Variants in GRIA2 observed in about 807,000 individuals in gnomAD.
The protein encoded by GRIA2 is glutamate ionotropic receptor AMPA type subunit 2, also known as glutamate receptor 2.
In GRIA2, 14 loss-of-function variants were observed where a neutral mutation model predicts 97.3. The observed-to-expected ratio is 0.14, with a 90% CI of 0.10 to 0.23. GRIA2 has a LOEUF of 0.23. Ranked by LOEUF, GRIA2 falls within the 10% of genes least tolerant of loss-of-function variation. The probability of loss-of-function intolerance (pLI) is 1.00; values close to 1 mark genes in which losing one functional copy is unlikely to be tolerated. For missense variants in GRIA2, 558 were observed against 1,069.8 expected (o/e 0.52, Z 6.67); for synonymous variants, 412 against 387.8 (o/e 1.06, Z -0.73).
intron 6 of GRIA2, among the ~76,000 whole-genome samples, chr4:157,322,197 A>AAG (rs942787997): frequency 2.0e-5 from 3 of 149,160 alleles, no homozygotes; most frequent in South Asian, 2.1e-4. Context: ...TATGGCCACA[A>AAG]AGAGAGAGAG....
chr4:157,294,736 A>G (rs1489600901), intron 2 of GRIA2, among the ~76,000 whole-genome samples: 12 of 152,126 alleles, frequency 7.9e-5, no homozygotes. Flanking sequence ...GAGACATTTG[A>G]AAGCTGAGAC....
At chr4:157,314,756 C>A (rs1734236073) in intron 4 of GRIA2, among the ~76,000 whole-genome samples, 1 of 152,132 alleles carries the variant, frequency 6.6e-6, no homozygotes, top group African/African-American at 2.4e-5. Flanking sequence ...ATATGGACAT[C>A]TATTCAAAAT....
At chr4:157,304,895 C>G (rs981416235) in intron 3 of GRIA2, among the ~76,000 whole-genome samples, 1 of 152,064 alleles carries the variant, frequency 6.6e-6, no homozygotes, top group African/African-American at 2.4e-5. Flanking sequence ...ATTCTCTGCC[C>G]TGTCCTCCTA....
At chr4:157,251,055 C>T (rs1247284886) in intron 2 of GRIA2, among the ~76,000 whole-genome samples, 1 of 151,992 alleles carries the variant, frequency 6.6e-6, no homozygotes, top group Non-Finnish European at 1.5e-5. Flanking sequence ...ATTTAATTAC[C>T]TAAATTGCTT....
In GRIA2 at chr4:157,365,924, C is replaced by T. The variant is rs1385281271; in HGVS notation, c.*2493C>T. 2 of 151,652 alleles carry T rather than the reference C, an allele frequency of 1.3e-5. No individual in the cohort carries two copies. The highest frequency in any genetic ancestry group is 4.8e-5 in the African/African-American group (2 of 41,348). 9.4% of individuals were successfully genotyped at this position (151,652 alleles called of 1,614,324 possible). A position where few individuals can be genotyped will look rare whatever the true frequency, so the allele number is the denominator to read the frequency against. ...CCAAGAAGACATACACTTTCTATAA[C>T]TTCTATTGAAGATATTGGAATTTCC... On this transcript the variant is annotated 3_prime_UTR_variant, in exon 16 of 16. Transcript: ENST00000264426.
At chr4:157,303,896 A>G in intron 3 of GRIA2, 105 bp downstream of exon 3, 2 of 1,180,210 alleles carry the variant, frequency 1.7e-6, no homozygotes, top group Non-Finnish European at 2.4e-6. Flanking sequence ...AAGCCCAAGG[A>G]TCCCTTGGTT....
At chr4:157,359,351 A>G (rs192491467) in intron 12 of GRIA2, among the ~76,000 whole-genome samples, 8 of 152,324 alleles carry the variant, frequency 5.3e-5, no homozygotes, top group Admixed American at 5.2e-4. Context: ...TGGCCAAAGA[A>G]TATTCTTTTA....
At chr4:157,312,322 G>A (rs924579035) in intron 3 of GRIA2, among the ~76,000 whole-genome samples, 1 of 151,996 alleles carries the variant, frequency 6.6e-6, no homozygotes, top group African/African-American at 2.4e-5. Flanking sequence ...CATTCTGTAA[G>A]AGTAAGAAAT....
chr4:157,285,170 A>T (rs1025613889), intron 2 of GRIA2, among the ~76,000 whole-genome samples: 6 of 151,564 alleles, frequency 4.0e-5, no homozygotes, highest in African/African-American at 1.2e-4. Context: ...TATAGTGTAG[A>T]TGAGCATCTT....
chr4:157,225,942 C>A (rs1218147935), intron 2 of GRIA2, among the ~76,000 whole-genome samples: 2 of 151,806 alleles, frequency 1.3e-5, no homozygotes, highest in Non-Finnish European at 2.9e-5. Flanking sequence ...TTTTAGTAAA[C>A]TTTGATGCTA....
intron 9 of GRIA2, 166 bp from the exon 10 acceptor site, chr4:157,335,505 G>C: frequency 1.7e-6 from 1 of 598,100 alleles, no homozygotes; most frequent in Admixed American, 2.9e-5. Flanking sequence ...GCTTTCTGGG[G>C]GGAAGCATTA....
Position 157,305,087 on chromosome 4 carries a change from A to T in GRIA2, c.469+1296A>T, listed in dbSNP as rs990643078. Among the ~76,000 whole-genome samples, 17 of 152,302 alleles carry T rather than the reference A, an allele frequency of 1.1e-4. No homozygotes were observed. In the South Asian group the frequency reaches 1.4e-3, roughly 13 times the overall value. Reference sequence around the variant, plus strand: ...GTAAATACAGATTTCAATGTGCTGGATGTTTCCGACGCACACTTATTAATG... The same window carrying T: ...GTAAATACAGATTTCAATGTGCTGGTTGTTTCCGACGCACACTTATTAATG... On this transcript the variant is annotated intron_variant, in intron 3 of 15. Transcript: ENST00000264426.
intron 12 of GRIA2, among the ~76,000 whole-genome samples, chr4:157,352,490 G>T (rs1359621191): frequency 6.6e-6 from 1 of 152,040 alleles, no homozygotes. Context: ...GGCCAAGGCA[G>T]GTGGATCACG....
chr4:157,323,669 A>C (rs1734685988), intron 6 of GRIA2, among the ~76,000 whole-genome samples: 1 of 152,152 alleles, frequency 6.6e-6, no homozygotes, highest in Non-Finnish European at 1.5e-5. Flanking sequence ...AGCAAAATGA[A>C]ATTATGTTTT....
chr4:157,274,921 T>C (rs113787186), intron 2 of GRIA2, among the ~76,000 whole-genome samples: 47,551 of 142,262 alleles, frequency 0.33, 9,462 homozygotes, highest in African/African-American at 0.47. Flanking sequence ...TTTCTAGTTC[T>C]AGATCCCTGA....
At chr4:157,279,463 T>C (rs1397151515) in intron 2 of GRIA2, among the ~76,000 whole-genome samples, 1 of 152,084 alleles carries the variant, frequency 6.6e-6, no homozygotes, top group Non-Finnish European at 1.5e-5. Flanking sequence ...ATAGGCAAAG[T>C]ACAGAGAATT....
chr4:157,277,832 A>ATG (rs1369698130), intron 2 of GRIA2, among the ~76,000 whole-genome samples: 7 of 143,306 alleles, frequency 4.9e-5, no homozygotes, highest in African/African-American at 7.7e-5. Flanking sequence ...ATATGTATAT[A>ATG]TGTATATATA....
intron 9 of GRIA2, chr4:157,334,720 A>G (rs1735205363): frequency 6.6e-6 from 1 of 152,154 alleles, no homozygotes; most frequent in Non-Finnish European, 1.5e-5. Context: ...TGAAATGGAG[A>G]AAATGGTGTT....
At chr4:157,316,065 A>G (rs187701419) in intron 4 of GRIA2, among the ~76,000 whole-genome samples, 104 of 152,226 alleles carry the variant, frequency 6.8e-4, no homozygotes, top group Non-Finnish European at 1.1e-3. Context: ...AAGTAAACTC[A>G]AGTAGGGACT....
Sources: gnomAD v4.1 joint callset for allele counts (sites outside exome capture counted in the v4.1 genomes callset) on GRCh38, gnomAD v4.1.1 for gene constraint, MANE v1.5 for transcripts, NCBI Gene and HGNC (gene_info 2026-07-23, HGNC 2026-07-21) for gene names.